Variants in TRAPPC9 observed in about 807,000 individuals in gnomAD.
TRAPPC9 encodes trafficking protein particle complex subunit 9.
In TRAPPC9, 83 loss-of-function variants were observed where a neutral mutation model predicts 124.0. That is an observed-to-expected ratio of 0.67 (90% CI 0.56 to 0.80). The LOEUF is 0.80. TRAPPC9 is among the 30% of genes least tolerant of loss of function. TRAPPC9 has a pLI of 0.00. For missense variants in TRAPPC9, 1,302 were observed against 1,508.3 expected, an observed-to-expected ratio of 0.86 and a Z score of 2.27; for synonymous variants, 638 against 617.5, an observed-to-expected ratio of 1.03 and a Z score of -0.49.
chr8:140,421,274 C>A (rs920591372), intron 5 of TRAPPC9, among the ~76,000 whole-genome samples: 3 of 152,156 alleles, frequency 2.0e-5, no homozygotes, highest in African/African-American at 7.2e-5. Context: ...TACCCCCATG[C>A]TGCATATAAA....
chr8:140,139,399 C>A (rs2061350044), intron 17 of TRAPPC9, among the ~76,000 whole-genome samples: 1 of 152,202 alleles, frequency 6.6e-6, no homozygotes, highest in South Asian at 2.1e-4. Context: ...AAGAGAGACA[C>A]AGAATTTCCG....
intron 19 of TRAPPC9, among the ~76,000 whole-genome samples, chr8:139,945,224 C>T (rs1361197751): frequency 1.3e-5 from 2 of 152,030 alleles, no homozygotes; most frequent in Non-Finnish European, 2.9e-5. Context: ...AATATGAAAA[C>T]TTATGCAGGT....
At chr8:140,270,074 T>G (rs1038244780) in intron 15 of TRAPPC9, among the ~76,000 whole-genome samples, 18 of 151,726 alleles carry the variant, frequency 1.2e-4, no homozygotes, top group South Asian at 4.2e-4. Flanking sequence ...CACTCCAGCC[T>G]GGGCAACAGA....
intron 19 of TRAPPC9, among the ~76,000 whole-genome samples, chr8:139,941,666 G>T (rs1833930176): frequency 6.6e-6 from 1 of 152,208 alleles, no homozygotes; most frequent in Non-Finnish European, 1.5e-5. Context: ...AGACTGGTTT[G>T]CCCAGACAGC....
At chr8:140,404,864 G>A (rs1057101913) in intron 6 of TRAPPC9, among the ~76,000 whole-genome samples, 18 of 151,942 alleles carry the variant, frequency 1.2e-4, no homozygotes, top group African/African-American at 3.6e-4. Flanking sequence ...GTGCGGGTGT[G>A]AGCATGCGCG....
At chr8:140,128,243 C>G (rs1486101114) in intron 17 of TRAPPC9, among the ~76,000 whole-genome samples, 2 of 152,150 alleles carry the variant, frequency 1.3e-5, no homozygotes, top group Non-Finnish European at 2.9e-5. Context: ...GGTGAGACAG[C>G]CCAAGTGTGG....
At chr8:139,940,014 A>C (rs936277932) in intron 19 of TRAPPC9, among the ~76,000 whole-genome samples, 3 of 152,078 alleles carry the variant, frequency 2.0e-5, no homozygotes, top group African/African-American at 7.3e-5. Flanking sequence ...TGACAGCTCA[A>C]TTTGTTGTTT....
At chr8:139,906,547 T>C (rs998940930) in intron 20 of TRAPPC9, among the ~76,000 whole-genome samples, 1 of 151,420 alleles carries the variant, frequency 6.6e-6, no homozygotes, top group African/African-American at 2.4e-5. Flanking sequence ...GGGAAGGGCA[T>C]AGGGGAGGGG....
intron 16 of TRAPPC9, among the ~76,000 whole-genome samples, chr8:140,235,388 A>T (rs553960967): frequency 6.6e-6 from 1 of 152,368 alleles, no homozygotes; most frequent in South Asian, 2.1e-4. Flanking sequence ...AATGTGTGCA[A>T]TACTCATAGC....
rs1254628583 is a variant in TRAPPC9 at position 139,981,808 on chromosome 8, G to A, written c.2810+6918C>T. ...TGTGGGGCTCTTCCCTGCCCCTCTCGCAGCAGAGCCATGCCATGATCCACG... is the reference window on the plus strand; with the variant it reads ...TGTGGGGCTCTTCCCTGCCCCTCTCACAGCAGAGCCATGCCATGATCCACG... On this transcript the variant is annotated intron_variant, in intron 19 of 22. Coordinates refer to ENST00000438773, the MANE Select transcript of TRAPPC9 (RefSeq NM_001160372.4). Among the ~76,000 whole-genome samples, 9 of 152,274 alleles carry A rather than the reference G, an allele frequency of 5.9e-5. No homozygotes were observed. In the Middle Eastern group the frequency reaches 0.01, roughly 173 times the overall value.
intron 17 of TRAPPC9, among the ~76,000 whole-genome samples, chr8:140,046,113 G>A (rs1587582608): frequency 1.3e-5 from 2 of 152,172 alleles, no homozygotes; most frequent in East Asian, 1.9e-4. Flanking sequence ...AGAGCTGAGG[G>A]GTCTTGCCCA....
chr8:140,033,689 T>TTG (rs1840692931), intron 17 of TRAPPC9, among the ~76,000 whole-genome samples: 4 of 111,396 alleles, frequency 3.6e-5, no homozygotes, highest in African/African-American at 9.6e-5. Context: ...TTTTTTTTTT[T>TTG]TTTTTTTTTT....
chr8:140,373,343 C>A (rs112028743), intron 7 of TRAPPC9, among the ~76,000 whole-genome samples: 1 of 152,218 alleles, frequency 6.6e-6, no homozygotes. Flanking sequence ...TACTAGGTGA[C>A]GCCGCCGGGG....
chr8:140,352,295 T>A (rs2067609437), intron 9 of TRAPPC9, among the ~76,000 whole-genome samples: 1 of 152,212 alleles, frequency 6.6e-6, no homozygotes, highest in South Asian at 2.1e-4. Flanking sequence ...AAAAACTTCT[T>A]TTATTTTAGT....
intron 19 of TRAPPC9, among the ~76,000 whole-genome samples, chr8:139,953,120 C>T (rs1834749161): frequency 6.6e-6 from 1 of 152,224 alleles, no homozygotes; most frequent in Non-Finnish European, 1.5e-5. Flanking sequence ...AAAACACCCA[C>T]TTCGATCCAC....
intron 17 of TRAPPC9, among the ~76,000 whole-genome samples, chr8:140,183,841 T>G (rs1179747706): frequency 9.1e-5 from 11 of 120,376 alleles, no homozygotes; most frequent in African/African-American, 3.2e-4. Flanking sequence ...AGTGACAGAA[T>G]GAGACTTTGT....
chr8:140,167,304 C>T (rs530794618), intron 17 of TRAPPC9, among the ~76,000 whole-genome samples: 1 of 152,220 alleles, frequency 6.6e-6, no homozygotes, highest in Non-Finnish European at 1.5e-5. Flanking sequence ...ATGGTTGTGC[C>T]ACAGATTTTT....
chr8:140,179,267 C>T (rs1412766951), intron 17 of TRAPPC9, among the ~76,000 whole-genome samples: 2 of 152,056 alleles, frequency 1.3e-5, no homozygotes, highest in African/African-American at 2.4e-5. Flanking sequence ...TTATGAAATG[C>T]CGTGTTTTTA....
At chr8:140,260,952 A>G (rs971859186) in intron 15 of TRAPPC9, among the ~76,000 whole-genome samples, 1 of 152,254 alleles carries the variant, frequency 6.6e-6, no homozygotes, top group African/African-American at 2.4e-5. Context: ...AAAAGAAAAT[A>G]TAATGGCCAA....
Sources: gnomAD v4.1 joint callset for allele counts (sites outside exome capture counted in the v4.1 genomes callset) on GRCh38, gnomAD v4.1.1 for gene constraint, MANE v1.5 for transcripts, NCBI Gene and HGNC (gene_info 2026-07-23, HGNC 2026-07-21) for gene names.